The following CRACDL variants were observed in gnomAD, a reference collection of about 807,000 sequenced individuals.
CRACDL encodes CRACD-like protein.
In CRACDL, 26 loss-of-function variants were observed where a neutral mutation model predicts 70.6. The observed-to-expected ratio is 0.37, with a 90% CI of 0.27 to 0.51. The LOEUF (loss-of-function observed/expected upper bound fraction) is 0.51. Ranked by LOEUF, CRACDL falls within the 20% of genes least tolerant of loss-of-function variation. CRACDL has a pLI of 0.94. For synonymous variants in CRACDL, 618 were observed against 615.2 expected, an observed-to-expected ratio of 1.00 and a Z score of -0.07; for missense variants, 1,283 against 1,376.9, an observed-to-expected ratio of 0.93 and a Z score of 1.08.
At position 98,921,913 on chromosome 2, in the gene CRACDL, CTT is replaced by C. The variant is rs201416962; in HGVS notation, c.-11+14023_-11+14024del. Among the ~76,000 whole-genome samples the C allele has an allele frequency of 5.0e-3, 760 of 152,294 alleles. 6 individuals carry two copies. The highest frequency in any genetic ancestry group is 0.017 in the African/African-American group (714 of 41,560). On this transcript the variant is annotated intron_variant, in intron 1 of 9. Transcript: ENST00000397899. ...ACTCCCACCCAGGGCAACATTATTACTTTCTCGGACCCCATGCACACTCACCC... is the reference window on the plus strand; with the variant it reads ...ACTCCCACCCAGGGCAACATTATTACTCTCGGACCCCATGCACACTCACCC...
chr2:98,933,737 C>CT (rs973241190), intron 1 of CRACDL, among the ~76,000 whole-genome samples: 1 of 152,192 alleles, frequency 6.6e-6, no homozygotes, highest in African/African-American at 2.4e-5. Flanking sequence ...ACCCACCCTC[C>CT]TGGAGGCCTG....
At chr2:98,898,837 C>T (rs1278008849) in intron 1 of CRACDL, among the ~76,000 whole-genome samples, 1 of 152,172 alleles carries the variant, frequency 6.6e-6, no homozygotes, top group Non-Finnish European at 1.5e-5. Flanking sequence ...ATAGCAAGAG[C>T]CTATTTCAAA....
rs940813351 is a variant in CRACDL, at chr2:98,923,806, T to A, written c.-11+12132A>T. 5.9e-5 allele frequency among the ~76,000 whole-genome samples: 9 copies of A among 152,348 alleles called. No individual in the cohort carries two copies. The South Asian group carries it at 1.9e-3, about 32-fold the overall frequency. On this transcript the variant is annotated intron_variant, in intron 1 of 9. Coordinates refer to ENST00000397899, the MANE Select transcript of CRACDL (RefSeq NM_207362.3). ...ACTGTCATATGAAAGGTTTCTCAAA[T>A]TGTTCAATATTGCAAAGGGAACTTC... is the stretch of plus-strand genomic sequence containing the variant.
chr2:98,900,116 G>A (rs1708234959), intron 1 of CRACDL, among the ~76,000 whole-genome samples: 2 of 145,268 alleles, frequency 1.4e-5, no homozygotes, highest in Non-Finnish European at 3.0e-5. Context: ...ATGGACAGAG[G>A]CTCAGCAGGA....
intron 1 of CRACDL, among the ~76,000 whole-genome samples, chr2:98,879,613 A>G (rs1036142702): frequency 1.3e-5 from 2 of 152,202 alleles, no homozygotes; most frequent in African/African-American, 4.8e-5. Flanking sequence ...CAGTGGCGCA[A>G]TCTCGGCTCA....
intron 1 of CRACDL, among the ~76,000 whole-genome samples, chr2:98,849,999 C>G (rs546518318): frequency 6.6e-6 from 1 of 152,182 alleles, no homozygotes; most frequent in African/African-American, 2.4e-5. Context: ...GCCCTGCTGT[C>G]GGTTTCTGCA....
chr2:98,831,686 T>C (rs973562174), intron 5 of CRACDL, among the ~76,000 whole-genome samples: 7 of 152,216 alleles, frequency 4.6e-5, no homozygotes, highest in Admixed American at 1.3e-4. Context: ...GAATTTAAAA[T>C]GTGGCAGCAT....
intron 7 of CRACDL, among the ~76,000 whole-genome samples, chr2:98,804,570 T>G (rs954639465): frequency 6.6e-6 from 1 of 152,144 alleles, no homozygotes; most frequent in African/African-American, 2.4e-5. Flanking sequence ...GTGCCACATT[T>G]TGGGGCACTA....
At chr2:98,803,769 T>G (rs914510037) in intron 7 of CRACDL, among the ~76,000 whole-genome samples, 2 of 152,244 alleles carry the variant, frequency 1.3e-5, no homozygotes, top group Non-Finnish European at 2.9e-5. Flanking sequence ...CACAGCCAGC[T>G]GTGCTAGAAC....
rs531584251 is a variant in CRACDL at position 98,826,783 on chromosome 2, A to G, written c.735+192T>C. Among the ~76,000 whole-genome samples the G allele has an allele frequency of 1.0e-3, 154 of 152,188 alleles. No individual in the cohort carries two copies. In the South Asian group the frequency reaches 0.03, roughly 30 times the overall value. ...GATGAATGAATGGAGCATTTCTGCA[A>G]GGGAGAGACAGATCTGGTTTATGTT... On this transcript the variant is annotated intron_variant, in intron 6 of 9. Transcript: ENST00000397899.
intron 1 of CRACDL, among the ~76,000 whole-genome samples, chr2:98,849,436 T>A (rs963705631): frequency 1.3e-5 from 2 of 152,042 alleles, no homozygotes; most frequent in African/African-American, 4.8e-5. Context: ...TGTGGGTGGG[T>A]GTGCAGAGGG....
rs748798737 is a variant in CRACDL, at chr2:98,797,551, G to T, written c.2417-14C>A. The T allele has an allele frequency of 1.1e-5, 18 of 1,612,222 alleles. No individual in the cohort carries two copies. The South Asian group carries it at 1.9e-4, about 17-fold the overall frequency. ...GCAGACTCTTTTCTGTTGGGTAAAG[G>T]CACAAGATTATAGAAACAGTCCTAT... On this transcript the variant is annotated splice_polypyrimidine_tract_variant and intron_variant, in intron 7 of 9. Coordinates refer to ENST00000397899, the MANE Select transcript of CRACDL (RefSeq NM_207362.3).
intron 3 of CRACDL, among the ~76,000 whole-genome samples, chr2:98,833,648 C>T (rs1200282885): frequency 6.6e-6 from 1 of 152,238 alleles, no homozygotes; most frequent in Non-Finnish European, 1.5e-5. Flanking sequence ...CAGCTCTGAA[C>T]TCAAGAATCT....
At chr2:98,840,707 T>C (rs1259248204) in intron 2 of CRACDL, 1 of 152,214 alleles carries the variant, frequency 6.6e-6, no homozygotes, top group Non-Finnish European at 1.5e-5. Context: ...GAAAGCCTTC[T>C]AGACAAATTC....
chr2:98,918,539 CAAAAAAAAAAAAA>C (rs58312556), intron 1 of CRACDL, among the ~76,000 whole-genome samples: 15 of 66,346 alleles, frequency 2.3e-4, no homozygotes, highest in African/African-American at 7.0e-4. Context: ...TGTTGTCTAC[CAAAAAAAAAAAAA>C]AAAAAAAAAA....
intron 1 of CRACDL, among the ~76,000 whole-genome samples, chr2:98,880,388 T>C (rs761248164): frequency 6.6e-6 from 1 of 152,218 alleles, no homozygotes; most frequent in Non-Finnish European, 1.5e-5. Flanking sequence ...GTAGCTGATA[T>C]ATGCTTACTC....
At chr2:98,842,349 A>C (rs934945633) in intron 2 of CRACDL, among the ~76,000 whole-genome samples, 1 of 151,728 alleles carries the variant, frequency 6.6e-6, no homozygotes, top group African/African-American at 2.4e-5. Flanking sequence ...TAATAATTAC[A>C]TTTATTTTAA....
intron 1 of CRACDL, among the ~76,000 whole-genome samples, chr2:98,857,823 G>A (rs138580138): frequency 3.1e-4 from 47 of 152,252 alleles, no homozygotes; most frequent in African/African-American, 1.1e-3. Context: ...GACCAAAGAT[G>A]TGTGTATGTA....
intron 1 of CRACDL, among the ~76,000 whole-genome samples, chr2:98,919,722 C>T (rs1323052681): frequency 6.6e-6 from 1 of 152,106 alleles, no homozygotes; most frequent in African/African-American, 2.4e-5. Context: ...TGTCTATTTC[C>T]ATCACAATAC....
Sources: gnomAD v4.1 joint callset for allele counts (sites outside exome capture counted in the v4.1 genomes callset) on GRCh38, gnomAD v4.1.1 for gene constraint, MANE v1.5 for transcripts, NCBI Gene and HGNC (gene_info 2026-07-23, HGNC 2026-07-21) for gene names.